Variants in DHX8 observed in about 807,000 individuals in gnomAD.
DHX8 encodes ATP-dependent RNA helicase DHX8.
In DHX8, 67 loss-of-function variants were observed where a neutral mutation model predicts 140.7. The ratio of observed to expected loss-of-function variants is 0.48; its 90% CI spans 0.39 to 0.58. The LOEUF is 0.58. Ranked by LOEUF, DHX8 falls within the 20% of genes least tolerant of loss-of-function variation. The pLI is 0.00. For missense variants in DHX8, 887 were observed against 1,550.7 expected (o/e 0.57, Z 7.19); for synonymous variants, 533 against 553.2 (o/e 0.96, Z 0.51).
intron 3 of DHX8, among the ~76,000 whole-genome samples, chr17:43,540,191 G>A (rs573087283): frequency 6.6e-6 from 1 of 152,268 alleles, no homozygotes; most frequent in Non-Finnish European, 1.5e-5. Context: ...GGTGGCTCAC[G>A]CCTGTAATCC....
Position 43,492,534 on chromosome 17 carries a change from T to C in DHX8, c.504-147T>C, listed in dbSNP as rs1354590989. The C allele has an allele frequency of 4.7e-6, 3 of 635,974 alleles. No individual in the cohort carries two copies. Among genetic ancestry groups the C allele is most frequent in the Non-Finnish European group, 8.3e-6 (3 of 359,358 alleles). 39.4% of individuals were successfully genotyped at this position (635,974 alleles called of 1,614,324 possible). A position where few individuals can be genotyped will look rare whatever the true frequency, so the allele number is the denominator to read the frequency against. Reference sequence around the variant, plus strand: ...TGTGGCTCAATTCTTTATTGGCTTATAGGGATGTCGTAGTTATTGAAACTC... The same window carrying C: ...TGTGGCTCAATTCTTTATTGGCTTACAGGGATGTCGTAGTTATTGAAACTC... On this transcript the variant is annotated intron_variant, in intron 5 of 22. Coordinates refer to ENST00000262415, the MANE Select transcript of DHX8 (RefSeq NM_004941.3).
downstream of DHX8, chr17:43,526,194 C>T: frequency 2.0e-6 from 2 of 985,278 alleles, no homozygotes; most frequent in Non-Finnish European, 2.4e-6. Context: ...ACAATGGAGC[C>T]CTTGTTTCTC....
Position 43,524,525 on chromosome 17 carries a change from G to A in DHX8, c.*678G>A, listed in dbSNP as rs957094832. The A allele has an allele frequency of 3.0e-6, 3 of 986,486 alleles. No homozygotes were observed. Among genetic ancestry groups the A allele is most frequent in the African/African-American group, 3.5e-5 (2 of 57,168 alleles). 61.1% of individuals were successfully genotyped at this position (986,486 alleles called of 1,614,324 possible). On this transcript the variant is annotated 3_prime_UTR_variant, in exon 23 of 23. Coordinates refer to ENST00000262415, the MANE Select transcript of DHX8 (RefSeq NM_004941.3). ...TTGTCTTTCAGCATCAGCACTAGCC[G>A]GGCCGTGCTGGGGGATCACCCGATG...
chr17:43,533,699 C>A (rs934359670), intron 2 of DHX8, among the ~76,000 whole-genome samples: 1 of 152,078 alleles, frequency 6.6e-6, no homozygotes, highest in Non-Finnish European at 1.5e-5. Flanking sequence ...TCCGTCTATT[C>A]AGAGGAAATC....
At chr17:43,485,808 GTTTA>G (rs1309154414) in intron 1 of DHX8, among the ~76,000 whole-genome samples, 1 of 152,186 alleles carries the variant, frequency 6.6e-6, no homozygotes, top group Non-Finnish European at 1.5e-5. Context: ...TAATCTTTTA[GTTTA>G]TTTATAGCTA....
At chr17:43,534,424 G>A (rs1165867548) in intron 2 of DHX8, among the ~76,000 whole-genome samples, 9 of 152,172 alleles carry the variant, frequency 5.9e-5, no homozygotes, top group Non-Finnish European at 1.2e-4. Flanking sequence ...AACCCAGGAG[G>A]CGGGGATTGC....
intron 18 of DHX8, chr17:43,519,912 G>C: frequency 4.3e-6 from 2 of 465,412 alleles, no homozygotes; most frequent in South Asian, 5.1e-5. Context: ...CTGCACTCCA[G>C]CCTGGGTGAC....
downstream of DHX8, chr17:43,530,545 A>G: frequency 2.7e-6 from 2 of 743,620 alleles, no homozygotes; most frequent in Non-Finnish European, 3.7e-6. Flanking sequence ...CACGCCTAAG[A>G]CTCCCTCAGA....
At chr17:43,527,883 G>A (rs1485072341), downstream of DHX8, 6 of 232,032 alleles carry the variant, frequency 2.6e-5, no homozygotes, top group African/African-American at 1.3e-4. Flanking sequence ...TCTGGCAGAT[G>A]TGGTGGAGGT....
At chr17:43,532,944 A>C in intron 2 of DHX8, 2 of 1,556,558 alleles carry the variant, frequency 1.3e-6, no homozygotes, top group Non-Finnish European at 1.7e-6. Context: ...ACGGAGCTGG[A>C]TGTGGTTGGA....
At chr17:43,494,758 G>C (rs1399746003) in intron 8 of DHX8, among the ~76,000 whole-genome samples, 1 of 147,316 alleles carries the variant, frequency 6.8e-6, no homozygotes, top group African/African-American at 2.5e-5. Context: ...TTAGGTTAGT[G>C]TTTAGCATAT....
intron 17 of DHX8, 120 bp from the exon 18 acceptor site, chr17:43,517,047 A>G (rs1370921525): frequency 1.8e-6 from 2 of 1,091,956 alleles, no homozygotes; most frequent in African/African-American, 3.2e-5. Context: ...AAAGGAAGTG[A>G]AATCAACCCC....
intron 22 of DHX8, among the ~76,000 whole-genome samples, chr17:43,523,045 A>AAT (rs1970458100): frequency 7.2e-6 from 1 of 138,624 alleles, no homozygotes; most frequent in Non-Finnish European, 1.5e-5. Context: ...CCTGGGAGAC[A>AAT]GAGTGAGACT....
chr17:43,505,473 A>AT (rs1969442585), intron 12 of DHX8, among the ~76,000 whole-genome samples: 1 of 151,726 alleles, frequency 6.6e-6, no homozygotes, highest in African/African-American at 2.4e-5. Context: ...GGAGGCTGAG[A>AT]TAAGAGGATT....
chr17:43,503,680 A>G (rs957604689), intron 11 of DHX8, among the ~76,000 whole-genome samples: 2 of 151,630 alleles, frequency 1.3e-5, no homozygotes, highest in African/African-American at 4.9e-5. Context: ...AAAGAAAAAA[A>G]TTAATCTGAG....
At chr17:43,517,138 A>T (rs773832839) in intron 17 of DHX8, 29 bp from the exon 18 acceptor site, 8 of 1,599,342 alleles carry the variant, frequency 5.0e-6, no homozygotes, top group Non-Finnish European at 6.0e-6. Context: ...TTTAACAGAT[A>T]TGTTGCTTTT....
At chr17:43,529,879 C>G, downstream of DHX8, 1 of 1,614,164 alleles carries the variant, frequency 6.2e-7, no homozygotes, top group South Asian at 1.1e-5. Context: ...AGTCACTTCT[C>G]TGACCTTCAA....
intron 12 of DHX8, among the ~76,000 whole-genome samples, chr17:43,506,476 G>A (rs373184327): frequency 5.9e-5 from 9 of 151,840 alleles, no homozygotes; most frequent in South Asian, 4.2e-4. Context: ...AAAATTAGCC[G>A]GGCGTGCTGG....
At chr17:43,543,298 A>T (rs113537607) in intron 3 of DHX8, among the ~76,000 whole-genome samples, 48 of 74,072 alleles carry the variant, frequency 6.5e-4, no homozygotes, top group African/African-American at 2.0e-3. Context: ...TCTCTCTCTC[A>T]CACACACACT....
Sources: allele counts gnomAD v4.1 joint callset (sites outside exome capture counted in the v4.1 genomes callset), GRCh38; gene constraint gnomAD v4.1.1; transcripts MANE v1.5; gene names NCBI Gene and HGNC (gene_info 2026-07-23, HGNC 2026-07-21).